Variants in PCDHGA6 observed in about 807,000 individuals in gnomAD.
The protein encoded by PCDHGA6 is protocadherin gamma-A6.
Under a neutral mutation model 60.6 loss-of-function variants are expected in PCDHGA6, and 41 were observed. That is an observed-to-expected ratio of 0.68 (90% confidence interval 0.53 to 0.88). The LOEUF (loss-of-function observed/expected upper bound fraction) is 0.88. Among genes scored for constraint, PCDHGA6 ranks in the 40% least tolerant of loss-of-function variants. The pLI, the probability that PCDHGA6 is intolerant of heterozygous loss-of-function variation, is 0.00. For missense variants in PCDHGA6, 1,312 were observed against 1,203.0 expected (o/e 1.09, Z -1.34); for synonymous variants, 594 against 524.4 (o/e 1.13, Z -1.81).
intron 1 of PCDHGA6, chr5:141,393,816 A>T: frequency 6.2e-7 from 1 of 1,613,988 alleles, no homozygotes; most frequent in South Asian, 1.1e-5. Context: ...CAAATTGCTC[A>T]TTTCGGTGGA....
At position 141,487,080 on chromosome 5, in the gene PCDHGA6, C is replaced by G. The variant is rs2154580766; in HGVS notation, c.2425-7727C>G. 1 of 1,614,126 alleles carries G rather than the reference C, an allele frequency of 6.2e-7. No individual in the cohort carries two copies. Among genetic ancestry groups the G allele is most frequent in the East Asian group, 2.2e-5 (1 of 44,872 alleles). On this transcript the variant is annotated intron_variant, in intron 1 of 3. Coordinates refer to ENST00000517434, the MANE Select transcript of PCDHGA6 (RefSeq NM_018919.3). This position sits in a 1 kb window ranked among gnomAD's most constrained non-coding sequence, Gnocchi z 5.0. ...GTGCGGACGGCTGTTCCTATCCCAG[C>G]TGACCTCCCACCACAGAAGCTGGTC...
intron 1 of PCDHGA6, chr5:141,385,250 G>C (rs1448897004): frequency 6.2e-7 from 1 of 1,613,820 alleles, no homozygotes. Context: ...AGCCAGGAGA[G>C]CTGTGAGAAA....
intron 1 of PCDHGA6, among the ~76,000 whole-genome samples, chr5:141,456,297 A>G (rs537379475): frequency 6.6e-6 from 1 of 152,274 alleles, no homozygotes; most frequent in African/African-American, 2.4e-5. Context: ...CGTCTAATGG[A>G]GAACAGCAGC....
chr5:141,460,587 T>C (rs1461971599), intron 1 of PCDHGA6, among the ~76,000 whole-genome samples: 1 of 152,170 alleles, frequency 6.6e-6, no homozygotes, highest in Non-Finnish European at 1.5e-5. Flanking sequence ...TGTGGGTTTT[T>C]TCTGGGCTCT....
chr5:141,510,817 T>C, intron 3 of PCDHGA6, 130 bp from the exon 4 acceptor site: 2 of 1,551,592 alleles, frequency 1.3e-6, no homozygotes, highest in African/African-American at 2.7e-5. Flanking sequence ...GTGACCCCTA[T>C]ATTCCCAGTG....
chr5:141,432,969 C>T lies in PCDHGA6; in HGVS notation c.2424+56462C>T, dbSNP rs754836894. On this transcript the variant is annotated intron_variant, in intron 1 of 3. Coordinates refer to ENST00000517434, the MANE Select transcript of PCDHGA6 (RefSeq NM_018919.3). The surrounding 1 kb of genome is among the most constrained non-coding windows in gnomAD (Gnocchi z 6.0). ...GGAGGCGGCTTGACAGGAGCGCCGG[C>T]GTCGCACTTTGTGGGCGTGGACGGG... The T allele has an allele frequency of 3.7e-6, 6 of 1,614,030 alleles. No individual in the cohort carries two copies. In the African/African-American group the frequency reaches 8.0e-5, roughly 22 times the overall value.
Position 141,438,011 on chromosome 5 carries a change from G to T in PCDHGA6, c.2425-56796G>T, listed in dbSNP as rs189978786. On this transcript the variant is annotated intron_variant, in intron 1 of 3. Coordinates refer to ENST00000517434, the MANE Select transcript of PCDHGA6 (RefSeq NM_018919.3). ...CCACCTCAGCCTCCCAAATAGCTGAGATTACAGGTGTGAGCCACCATGCCC... is the reference window on the plus strand; with the variant it reads ...CCACCTCAGCCTCCCAAATAGCTGATATTACAGGTGTGAGCCACCATGCCC... 2.8e-3 allele frequency among the ~76,000 whole-genome samples: 432 copies of T among 152,220 alleles called. 1 individual carries two copies. The highest frequency in any genetic ancestry group is 0.021 in the Admixed American group (318 of 15,288).
Position 141,489,934 on chromosome 5 carries a change from G to A in PCDHGA6, c.2425-4873G>A, listed in dbSNP as rs777780708. 1.7e-5 allele frequency: 28 copies of A among 1,614,176 alleles called. No homozygotes were observed. Among genetic ancestry groups the A allele is most frequent in the East Asian group, 6.7e-5 (3 of 44,876 alleles). On this transcript the variant is annotated intron_variant, in intron 1 of 3. Coordinates refer to ENST00000517434, the MANE Select transcript of PCDHGA6 (RefSeq NM_018919.3). This position sits in a 1 kb window ranked among gnomAD's most constrained non-coding sequence, Gnocchi z 4.5. ...AGGGACCACCCTTATCTCTGTCATCGTGCTGGACATCAATGATAATGCTCC... is the reference window on the plus strand; with the variant it reads ...AGGGACCACCCTTATCTCTGTCATCATGCTGGACATCAATGATAATGCTCC...
intron 1 of PCDHGA6, among the ~76,000 whole-genome samples, chr5:141,436,832 C>T (rs1242760381): frequency 6.6e-6 from 1 of 152,172 alleles, no homozygotes; most frequent in African/African-American, 2.4e-5. Flanking sequence ...ATCTTAAGTG[C>T]CTAGGCACAT....
intron 1 of PCDHGA6, chr5:141,423,279 C>T: frequency 1.9e-6 from 3 of 1,614,032 alleles, no homozygotes; most frequent in Non-Finnish European, 2.5e-6. Flanking sequence ...CTCTGGCTAA[C>T]TCTGAAACCT....
intron 1 of PCDHGA6, chr5:141,383,793 A>C (rs1348224147): frequency 5.6e-6 from 9 of 1,613,998 alleles, no homozygotes; most frequent in Admixed American, 1.7e-5. Flanking sequence ...ACTCGCTTAC[A>C]GGAGAAATAT....
At chr5:141,421,120 G>T (rs747126094) in intron 1 of PCDHGA6, 4 of 779,870 alleles carry the variant, frequency 5.1e-6, no homozygotes, top group Non-Finnish European at 7.9e-6. Flanking sequence ...ATTTTCCTTC[G>T]CTTTCTGATA....
chr5:141,393,366 G>A (rs998330932), intron 1 of PCDHGA6: 1 of 1,613,874 alleles, frequency 6.2e-7, no homozygotes, highest in African/African-American at 1.3e-5. Context: ...CGTGCAGACT[G>A]GAGACAATGG....
chr5:141,414,537 T>C (rs2095757230), intron 1 of PCDHGA6: 1 of 1,613,978 alleles, frequency 6.2e-7, no homozygotes, highest in Non-Finnish European at 8.5e-7. Flanking sequence ...ACAACCCACC[T>C]ACCTTCTCTC....
rs373591066 is a variant in PCDHGA6, at chr5:141,404,487, G to T, written c.2424+27980G>T. 8 of 1,613,840 alleles carry T rather than the reference G, an allele frequency of 5.0e-6. No homozygotes were observed. In the East Asian group the frequency reaches 1.8e-4, roughly 36 times the overall value. The stretch of plus-strand genomic sequence containing the variant: ...TATGTCTCTATTAACTCAGACACTG[G>T]TGTGCTGTATGCTCTGTGCTCCTTT... On this transcript the variant is annotated intron_variant, in intron 1 of 3. Transcript: ENST00000517434.
chr5:141,381,625 G>C (rs1460922523), intron 1 of PCDHGA6, among the ~76,000 whole-genome samples: 1 of 152,172 alleles, frequency 6.6e-6, no homozygotes, highest in Non-Finnish European at 1.5e-5. Context: ...TAGGATCTCT[G>C]CAGATTTCTG....
Position 141,512,836 on chromosome 5 carries a change from T to G in PCDHGA6, c.*1663T>G, listed in dbSNP as rs1024777792. On this transcript the variant is annotated 3_prime_UTR_variant, in exon 4 of 4. Transcript: ENST00000517434. ...GGCGACCCCCTCCCCCGTACTGACTTCTCCTATAAGCGCTTCTCTTCGCAT... is the reference window on the plus strand; with the variant it reads ...GGCGACCCCCTCCCCCGTACTGACTGCTCCTATAAGCGCTTCTCTTCGCAT... 2 of 152,222 alleles carry G rather than the reference T, an allele frequency of 1.3e-5. No homozygotes were observed. Among genetic ancestry groups the G allele is most frequent in the African/African-American group, 4.8e-5 (2 of 41,412 alleles). The allele number at this position is 152,222 out of a possible 1,614,324, so 9.4% of individuals were successfully genotyped here. A position where few individuals can be genotyped will look rare whatever the true frequency, so the allele number is the denominator to read the frequency against.
In PCDHGA6 at chr5:141,375,144, G is replaced by A. The variant is rs747224962; in HGVS notation, c.1061G>A (p.Arg354Lys). 3 of 1,613,936 alleles carry A rather than the reference G, an allele frequency of 1.9e-6. No individual in the cohort carries two copies. Among genetic ancestry groups the A allele is most frequent in the Non-Finnish European group, 2.5e-6 (3 of 1,179,886 alleles). ...VPEVVVTSGS[R>K]TIAESAPPGT... ...GAAGTGGTTGTTACATCTGGAAGCA[G>A]AACAATTGCTGAAAGTGCACCTCCA... The change falls in exon 1 of 4, where the codon AGA (arginine) becomes AAA (lysine). Residue 354 changes from arginine (R) to lysine (K), a missense_variant. Coordinates refer to ENST00000517434, the MANE Select transcript of PCDHGA6 (RefSeq NM_018919.3).
chr5:141,379,845 AC>A (rs1334954085), intron 1 of PCDHGA6, among the ~76,000 whole-genome samples: 3 of 138,852 alleles, frequency 2.2e-5, no homozygotes. Context: ...AAAAAAAACT[AC>A]CAAATTATTG....
Sources: gnomAD v4.1 joint callset for allele counts (sites outside exome capture counted in the v4.1 genomes callset) on GRCh38, gnomAD v4.1.1 for gene constraint, Gnocchi (gnomAD v3.1) non-coding constraint, MANE v1.5 for transcripts, NCBI Gene and HGNC (gene_info 2026-07-23, HGNC 2026-07-21) for gene names.